Variants in SYNPO2 observed in about 807,000 individuals in gnomAD.
The protein encoded by SYNPO2 is synaptopodin-2.
SYNPO2 carries 56 observed loss-of-function variants against 85.0 expected under a neutral mutation model. That is an observed-to-expected ratio of 0.66 (90% CI 0.53 to 0.82). The LOEUF (loss-of-function observed/expected upper bound fraction) is 0.82, where lower values mean the gene tolerates loss of function less well. SYNPO2 is among the 40% of genes least tolerant of loss of function. The pLI is 0.00. For missense variants in SYNPO2, 1,575 were observed against 1,534.2 expected (o/e 1.03, Z -0.44); for synonymous variants, 602 against 591.1 (o/e 1.02, Z -0.27).
At chr4:118,870,430 G>A (rs541238700) in intron 1 of SYNPO2, among the ~76,000 whole-genome samples, 1 of 152,326 alleles carries the variant, frequency 6.6e-6, no homozygotes, top group Admixed American at 6.5e-5. Context: ...TCTTTATCCA[G>A]TCTATCGCTG....
rs115116217 is a variant in SYNPO2, at chr4:118,993,666, C to T, written c.106-29764C>T. Among the ~76,000 whole-genome samples the T allele has an allele frequency of 5.9e-3, 906 of 152,326 alleles. 15 individuals carry two copies. The highest frequency in any genetic ancestry group is 0.021 in the African/African-American group (861 of 41,560). ...GATGGAGGTTTTCCCCCTATATGAC[C>T]TACAGCTTAGTATGGTATTTCTAGA... is the stretch of plus-strand genomic sequence containing the variant. On this transcript the variant is annotated intron_variant, in intron 1 of 4. Transcript: ENST00000307142.
At chr4:118,945,832 G>T (rs1227430535) in intron 1 of SYNPO2, among the ~76,000 whole-genome samples, 2 of 151,824 alleles carry the variant, frequency 1.3e-5, no homozygotes, top group Admixed American at 6.6e-5. Context: ...TGCAACCTCT[G>T]CCTCCCGGAT....
rs951050410 is a variant in SYNPO2, at chr4:118,879,603, A to T, written c.12+28663A>T. Reference sequence around the variant, plus strand: ...TTTGATCTTAGACTTCCCAGCTGCCAGACCTGTGGGAAACACATTTTTGTG... The same window carrying T: ...TTTGATCTTAGACTTCCCAGCTGCCTGACCTGTGGGAAACACATTTTTGTG... On this transcript the variant is annotated intron_variant, in intron 1 of 4. Coordinates refer to the SYNPO2 transcript ENST00000610556. Among the ~76,000 whole-genome samples, 4 of 152,200 alleles carry T rather than the reference A, an allele frequency of 2.6e-5. No individual in the cohort carries two copies. The East Asian group carries it at 7.7e-4, about 29-fold the overall frequency.
At chr4:119,022,839 C>T (rs946349079) in intron 1 of SYNPO2, among the ~76,000 whole-genome samples, 14 of 149,646 alleles carry the variant, frequency 9.4e-5, no homozygotes, top group East Asian at 6.0e-4. Flanking sequence ...TACAATGGTG[C>T]GATATTGGCT....
chr4:118,852,042 A>G (rs1731428953), intron 1 of SYNPO2, among the ~76,000 whole-genome samples: 1 of 152,212 alleles, frequency 6.6e-6, no homozygotes, highest in Non-Finnish European at 1.5e-5. Flanking sequence ...TTGGTCTATC[A>G]TACAATTTGG....
intron 1 of SYNPO2, among the ~76,000 whole-genome samples, chr4:118,984,728 G>A (rs1736152599): frequency 6.6e-6 from 1 of 152,046 alleles, no homozygotes; most frequent in African/African-American, 2.4e-5. Flanking sequence ...AAGTTTCCTG[G>A]CCTAAGCACT....
At chr4:118,872,151 A>G (rs1277574454) in intron 1 of SYNPO2, among the ~76,000 whole-genome samples, 1 of 152,224 alleles carries the variant, frequency 6.6e-6, no homozygotes, top group Non-Finnish European at 1.5e-5. Context: ...AATGGGATAC[A>G]AGTGTAATTT....
chr4:119,022,512 G>GTTTTTTT (rs778146297), intron 1 of SYNPO2, among the ~76,000 whole-genome samples: 4 of 87,094 alleles, frequency 4.6e-5, no homozygotes, highest in African/African-American at 1.7e-4. Flanking sequence ...TTTTTTGTAG[G>GTTTTTTT]TTTTTTTTTT....
intron 1 of SYNPO2, among the ~76,000 whole-genome samples, chr4:118,978,166 A>G (rs1472969375): frequency 1.3e-5 from 2 of 152,336 alleles, no homozygotes; most frequent in East Asian, 3.9e-4. Context: ...CTTCTTGGCC[A>G]GATTTGCCCA....
chr4:118,855,635 G>GC (rs137871254), intron 1 of SYNPO2, among the ~76,000 whole-genome samples: 6,252 of 152,056 alleles, frequency 0.041, 194 homozygotes, highest in Non-Finnish European at 0.064. Flanking sequence ...ACTTTGTGAA[G>GC]CCATACAAAA....
At chr4:118,940,556 C>T (rs868505187) in intron 1 of SYNPO2, among the ~76,000 whole-genome samples, 7 of 151,712 alleles carry the variant, frequency 4.6e-5, no homozygotes, top group Admixed American at 2.0e-4. Flanking sequence ...CGTTATTGGA[C>T]TGAGGACAAG....
intron 1 of SYNPO2, among the ~76,000 whole-genome samples, chr4:118,974,338 G>A (rs1735646479): frequency 6.6e-6 from 1 of 152,208 alleles, no homozygotes; most frequent in Non-Finnish European, 1.5e-5. Flanking sequence ...AGGCTTTCTT[G>A]TTTGTGAATA....
intron 1 of SYNPO2, among the ~76,000 whole-genome samples, chr4:119,015,678 T>TA (rs1737497457): frequency 6.6e-6 from 1 of 152,194 alleles, no homozygotes; most frequent in Non-Finnish European, 1.5e-5. Context: ...TTCCTAAAGA[T>TA]ATCACGTGTT....
intron 1 of SYNPO2, among the ~76,000 whole-genome samples, chr4:118,914,187 C>A (rs1368717420): frequency 6.6e-6 from 1 of 151,580 alleles, no homozygotes; most frequent in Non-Finnish European, 1.5e-5. Flanking sequence ...GGACGATGAG[C>A]AATTATAGAA....
chr4:118,994,456 C>T (rs1578624452), intron 1 of SYNPO2, among the ~76,000 whole-genome samples: 1 of 152,136 alleles, frequency 6.6e-6, no homozygotes, highest in East Asian at 1.9e-4. Context: ...AAAGAGGAGA[C>T]CTACCACCTA....
chr4:118,941,220 C>T (rs985059936), intron 1 of SYNPO2, among the ~76,000 whole-genome samples: 6 of 152,176 alleles, frequency 3.9e-5, no homozygotes, highest in African/African-American at 1.4e-4. Flanking sequence ...TTGACTTCTT[C>T]CTTTCTCCTC....
chr4:119,033,466 T>A (rs1239563333), intron 4 of SYNPO2: 1 of 985,308 alleles, frequency 1.0e-6, no homozygotes, highest in African/African-American at 1.7e-5. Flanking sequence ...CTCAGATCTA[T>A]TTTAAGTCTG....
Position 119,031,897 on chromosome 4 carries a change from C to G in SYNPO2, c.3122C>G (p.Ser1041Cys), listed in dbSNP as rs778731106. The change falls in exon 4 of 5, where the codon TCC becomes TGC. Residue 1041 changes from serine (S) to cysteine (C), a missense_variant. By Grantham distance (112) the Ser-to-Cys change is moderately radical. This residue lies in a region of SYNPO2 where 1,508 missense variants were observed against 1,446.8 expected (regional missense o/e 1.04). Transcript: ENST00000307142. ...TSPPSFFAEASSPVSASPVPV... is the reference protein window; with the variant it reads ...TSPPSFFAEACSPVSASPVPV... ...CCTCCTTCCTTCTTTGCAGAGGCCT[C>G]CTCACCAGTCAGTGCATCCCCAGTG... is the stretch of plus-strand genomic sequence containing the variant. 6.2e-7 allele frequency: 1 copy of G among 1,614,114 alleles called. No homozygotes were observed. Among genetic ancestry groups the G allele is most frequent in the African/African-American group, 1.3e-5 (1 of 74,948 alleles).
Position 118,983,529 on chromosome 4 carries a change from C to T in SYNPO2, c.106-39901C>T, listed in dbSNP as rs1006946075. Among the ~76,000 whole-genome samples the T allele has an allele frequency of 4.3e-4, 66 of 152,198 alleles. 4 individuals carry two copies. Among genetic ancestry groups the T allele is most frequent in the Non-Finnish European group, 1.5e-5 (1 of 68,036 alleles). On this transcript the variant is annotated intron_variant, in intron 1 of 4. Transcript: ENST00000307142. ...TACATTCCTATTACCATGATGGCAGCATTGATCTAAAATCCCCTGACCTCT... is the reference window on the plus strand; with the variant it reads ...TACATTCCTATTACCATGATGGCAGTATTGATCTAAAATCCCCTGACCTCT...
Sources: gnomAD v4.1 joint callset for allele counts (sites outside exome capture counted in the v4.1 genomes callset) on GRCh38, gnomAD v4.1.1 for gene constraint, gnomAD v4.1.1 regional missense constraint, MANE v1.5 for transcripts, NCBI Gene and HGNC (gene_info 2026-07-23, HGNC 2026-07-21) for gene names.